The following CNGA1 variants were observed in gnomAD, a reference collection of about 807,000 sequenced individuals.
The protein encoded by CNGA1 is cyclic nucleotide gated channel subunit alpha 1.
In CNGA1, 53 loss-of-function variants were observed where a neutral mutation model predicts 69.7. The ratio of observed to expected loss-of-function variants is 0.76; its 90% CI spans 0.61 to 0.96. The LOEUF (loss-of-function observed/expected upper bound fraction) is 0.96, where lower values mean the gene tolerates loss of function less well. Among genes scored for constraint, CNGA1 ranks in the 40% least tolerant of loss-of-function variants. The pLI is 0.00. For synonymous variants in CNGA1, 249 were observed against 283.5 expected, an observed-to-expected ratio of 0.88 and a Z score of 1.22; for missense variants, 739 against 811.2, an observed-to-expected ratio of 0.91 and a Z score of 1.08.
chr4:48,009,462 C>A (rs1270986188), intron 2 of CNGA1, among the ~76,000 whole-genome samples: 5 of 92,282 alleles, frequency 5.4e-5, no homozygotes, highest in South Asian at 3.7e-4. Flanking sequence ...CAGAGTCTGT[C>A]TCAAAAAAAA....
At chr4:47,943,127 C>CA in intron 8 of CNGA1, 54 bp downstream of exon 8, 1 of 1,226,916 alleles carries the variant, frequency 8.2e-7, no homozygotes, top group East Asian at 2.3e-5. Context: ...ATCATCCCTG[C>CA]ATCTAAAACC....
chr4:47,977,530 A>G (rs916652479), intron 3 of CNGA1, among the ~76,000 whole-genome samples: 4 of 152,142 alleles, frequency 2.6e-5, no homozygotes, highest in Admixed American at 2.6e-4. Flanking sequence ...TTTCTCCTCA[A>G]CACTCACATA....
intron 2 of CNGA1, among the ~76,000 whole-genome samples, chr4:47,986,272 T>C (rs1741974875): frequency 6.6e-6 from 1 of 152,086 alleles, no homozygotes; most frequent in African/African-American, 2.4e-5. Flanking sequence ...CAAGGCATGA[T>C]GGTGCATGCC....
chr4:47,980,378 A>T (rs1741633132), intron 3 of CNGA1, among the ~76,000 whole-genome samples: 1 of 152,228 alleles, frequency 6.6e-6, no homozygotes, highest in African/African-American at 2.4e-5. Flanking sequence ...ATTTTGAAAC[A>T]TGTAATCTTA....
intron 3 of CNGA1, among the ~76,000 whole-genome samples, chr4:47,970,193 T>C (rs564891379): frequency 6.6e-6 from 1 of 152,152 alleles, no homozygotes; most frequent in South Asian, 2.1e-4. Context: ...AGAAGAGGAA[T>C]TTAGTGTGGC....
intron 2 of CNGA1, among the ~76,000 whole-genome samples, chr4:47,982,626 T>C (rs1177665427): frequency 1.3e-5 from 2 of 152,144 alleles, no homozygotes; most frequent in Non-Finnish European, 2.9e-5. Context: ...TATTCTTAAA[T>C]TAAAATTATT....
chr4:48,009,474 A>AC (rs1715057197), intron 2 of CNGA1, among the ~76,000 whole-genome samples: 1 of 151,162 alleles, frequency 6.6e-6, no homozygotes, highest in Non-Finnish European at 1.5e-5. Context: ...CAAAAAAAAA[A>AC]AAAAAAAGGA....
chr4:48,006,269 C>T (rs925695137), intron 2 of CNGA1, among the ~76,000 whole-genome samples: 1 of 151,844 alleles, frequency 6.6e-6, no homozygotes. Flanking sequence ...CTAAAGAGAA[C>T]CAAAAAAAGA....
intron 2 of CNGA1, among the ~76,000 whole-genome samples, chr4:47,996,293 G>A (rs1742476327): frequency 6.6e-6 from 1 of 152,140 alleles, no homozygotes; most frequent in South Asian, 2.1e-4. Flanking sequence ...TGCAACTGAT[G>A]TTGATAGCTC....
rs7674803 is a variant in CNGA1 at position 47,950,916 on chromosome 4, C to T, written c.224+437G>A. ...CAGCCAACCCTCTCACATGTACTTG[C>T]TTCAGGACCCTGAAAGAAGGATCAG... On this transcript the variant is annotated intron_variant, in intron 5 of 10. Coordinates refer to ENST00000514170, the MANE Select transcript of CNGA1 (RefSeq NM_001379270.1). Among the ~76,000 whole-genome samples, 1,092 of 152,292 alleles carry T rather than the reference C, an allele frequency of 7.2e-3. 8 individuals carry two copies. Among genetic ancestry groups the T allele is most frequent in the African/African-American group, 0.025 (1,032 of 41,550 alleles).
intron 2 of CNGA1, among the ~76,000 whole-genome samples, chr4:47,997,586 A>G (rs1163786123): frequency 6.6e-6 from 1 of 152,140 alleles, no homozygotes; most frequent in African/African-American, 2.4e-5. Context: ...GTAAGTTATT[A>G]TGTATTATAT....
chr4:47,977,483 T>C (rs952736293), intron 3 of CNGA1, among the ~76,000 whole-genome samples: 1 of 152,156 alleles, frequency 6.6e-6, no homozygotes, highest in African/African-American at 2.4e-5. Context: ...CATAGCAGAC[T>C]AATACAGCTG....
chr4:48,011,834 A>AAAGGGAATGTTCGG (rs1715180418), intron 1 of CNGA1, among the ~76,000 whole-genome samples: 1 of 152,180 alleles, frequency 6.6e-6, no homozygotes, highest in South Asian at 2.1e-4. Context: ...GGATTCATAG[A>AAAGGGAATGTTCGG]AAGGGAATGT....
At chr4:47,942,001 G>T (rs770287533) in intron 9 of CNGA1, 40 bp downstream of exon 9, 22 of 1,222,110 alleles carry the variant, frequency 1.8e-5, no homozygotes, top group Admixed American at 4.0e-5. Context: ...CTAGAAATGG[G>T]GTGAGATCCA....
intron 3 of CNGA1, among the ~76,000 whole-genome samples, chr4:47,965,924 A>G (rs1459236581): frequency 2.6e-4 from 1 of 3,814 alleles, no homozygotes. Context: ...AAAAGAACAG[A>G]AAAAAAAATA....
intron 6 of CNGA1, among the ~76,000 whole-genome samples, chr4:47,947,790 A>C (rs1739492621): frequency 6.6e-6 from 1 of 152,252 alleles, no homozygotes; most frequent in Non-Finnish European, 1.5e-5. Flanking sequence ...TGGATGGAAA[A>C]CGATGGAAAG....
intron 9 of CNGA1, among the ~76,000 whole-genome samples, chr4:47,941,365 T>C (rs1481082249): frequency 6.6e-6 from 1 of 152,136 alleles, no homozygotes; most frequent in Non-Finnish European, 1.5e-5. Context: ...AATCAAAATA[T>C]GTTGGGTGAA....
chr4:48,012,323 A>C (rs1209713341), intron 1 of CNGA1, among the ~76,000 whole-genome samples: 1 of 152,188 alleles, frequency 6.6e-6, no homozygotes, highest in Non-Finnish European at 1.5e-5. Context: ...CCAAGTATCA[A>C]ACCAGAAAGG....
In CNGA1 at chr4:47,936,727, T is replaced by C. The variant is rs1377455092; in HGVS notation, c.1755A>G (p.Pro585=). The C allele has an allele frequency of 2.5e-6, 4 of 1,614,082 alleles. No individual in the cohort carries two copies. The highest frequency in any genetic ancestry group is 3.3e-5 in the Admixed American group (2 of 60,014). Residue 585 remains proline, a synonymous_variant, in exon 11 of 11, where the codon CCA becomes CCG. Transcript: ENST00000514170. ...DDLMEALTEY[P]DAKTMLEEKG... ...TCTCTTCCAGCATAGTTTTGGCATC[T>C]GGGTACTCAGTTAGAGCTTCCATGA...
Sources: gnomAD v4.1 joint callset for allele counts (sites outside exome capture counted in the v4.1 genomes callset) on GRCh38, gnomAD v4.1.1 for gene constraint, MANE v1.5 for transcripts, NCBI Gene and HGNC (gene_info 2026-07-23, HGNC 2026-07-21) for gene names.